The following CACNB2 variants were observed in gnomAD, a reference collection of about 807,000 sequenced individuals.
CACNB2 encodes the protein voltage-dependent L-type calcium channel subunit beta-2.
Under a neutral mutation model 73.3 loss-of-function variants are expected in CACNB2, and 42 were observed. The observed-to-expected ratio is 0.57, with a 90% confidence interval of 0.45 to 0.74. CACNB2 has a LOEUF of 0.74. Among genes scored for constraint, CACNB2 ranks in the 30% least tolerant of loss-of-function variants. The pLI is 0.00. For missense variants in CACNB2, 940 were observed against 853.0 expected, an observed-to-expected ratio of 1.10 and a Z score of -1.27; for synonymous variants, 348 against 310.3, an observed-to-expected ratio of 1.12 and a Z score of -1.28.
intron 2 of CACNB2, among the ~76,000 whole-genome samples, chr10:18,172,595 G>A (rs551064657): frequency 6.6e-6 from 1 of 152,254 alleles, no homozygotes; most frequent in East Asian, 1.9e-4. Context: ...GACTGGATGT[G>A]AAACCCTTGT....
At chr10:18,326,970 C>A (rs2040612239) in intron 2 of CACNB2, among the ~76,000 whole-genome samples, 1 of 152,096 alleles carries the variant, frequency 6.6e-6, no homozygotes, top group Non-Finnish European at 1.5e-5. Flanking sequence ...CTCAAGTGAT[C>A]CGCCCACCTC....
intron 3 of CACNB2, among the ~76,000 whole-genome samples, chr10:18,438,183 A>ATTTTTTTTT (rs372226267): frequency 5.3e-5 from 5 of 93,958 alleles, no homozygotes; most frequent in Non-Finnish European, 1.0e-4. Context: ...ACACCTGGCG[A>ATTTTTTTTT]TTTTTTTTTT....
At chr10:18,146,208 A>G (rs1195598715) in intron 1 of CACNB2, among the ~76,000 whole-genome samples, 2 of 151,952 alleles carry the variant, frequency 1.3e-5, no homozygotes, top group Non-Finnish European at 2.9e-5. Context: ...CTCTCTGGAT[A>G]GTTTTGGCTT....
intron 3 of CACNB2, among the ~76,000 whole-genome samples, chr10:18,431,108 G>T (rs1006359369): frequency 1.3e-5 from 2 of 152,046 alleles, no homozygotes; most frequent in African/African-American, 4.8e-5. Flanking sequence ...TCAGTCTCCA[G>T]GGTAGCTGAG....
At chr10:18,273,093 G>A (rs780110576) in intron 2 of CACNB2, among the ~76,000 whole-genome samples, 3 of 152,204 alleles carry the variant, frequency 2.0e-5, no homozygotes, top group Non-Finnish European at 4.4e-5. Flanking sequence ...AAAGCTGAAG[G>A]TTGGATCAGG....
chr10:18,397,519 A>T (rs1160670798), intron 2 of CACNB2, among the ~76,000 whole-genome samples: 1 of 151,984 alleles, frequency 6.6e-6, no homozygotes, highest in Non-Finnish European at 1.5e-5. Flanking sequence ...CGTTAGACAT[A>T]AAAGTGGAAA....
At chr10:18,340,772 T>TA (rs2041200135) in intron 2 of CACNB2, 1 of 1,560,968 alleles carries the variant, frequency 6.4e-7, no homozygotes, top group South Asian at 1.2e-5. Context: ...TCACACTAAC[T>TA]AAGACTACAC....
chr10:18,172,052 G>A (rs1044906301), intron 2 of CACNB2, among the ~76,000 whole-genome samples: 3 of 152,062 alleles, frequency 2.0e-5, no homozygotes, highest in Admixed American at 1.3e-4. Context: ...ACAAAACCAG[G>A]ATCTTGGCAT....
At chr10:18,431,393 C>A (rs959108602) in intron 3 of CACNB2, among the ~76,000 whole-genome samples, 1 of 152,088 alleles carries the variant, frequency 6.6e-6, no homozygotes, top group Non-Finnish European at 1.5e-5. Flanking sequence ...CTACTGATGC[C>A]TCAAGTAGGT....
At chr10:18,444,174 G>A (rs1182577273) in intron 3 of CACNB2, among the ~76,000 whole-genome samples, 1 of 152,148 alleles carries the variant, frequency 6.6e-6, no homozygotes, top group Non-Finnish European at 1.5e-5. Context: ...GGTGCCTTAG[G>A]GAGGTGATGA....
intron 1 of CACNB2, among the ~76,000 whole-genome samples, chr10:18,147,626 A>G (rs2031118351): frequency 6.6e-6 from 1 of 152,212 alleles, no homozygotes; most frequent in African/African-American, 2.4e-5. Context: ...GGGCGTTCAT[A>G]TATTTTAATG....
At chr10:18,228,441 A>AAAAAAAAG (rs753935991) in intron 2 of CACNB2, among the ~76,000 whole-genome samples, 5,496 of 145,072 alleles carry the variant, frequency 0.038, 243 homozygotes, top group African/African-American at 0.065. Flanking sequence ...CTCAAAAAAA[A>AAAAAAAAG]AAAAAAAAGA....
intron 3 of CACNB2, among the ~76,000 whole-genome samples, chr10:18,480,515 ATC>A: frequency 6.6e-6 from 1 of 152,350 alleles, no homozygotes; most frequent in African/African-American, 2.4e-5. Flanking sequence ...ACAGAGCAAA[ATC>A]TCTGTCTTGT....
At chr10:18,333,431 T>C (rs2040879674) in intron 2 of CACNB2, among the ~76,000 whole-genome samples, 1 of 146,058 alleles carries the variant, frequency 6.8e-6, no homozygotes, top group Non-Finnish European at 1.5e-5. Flanking sequence ...AGTTGGAAAT[T>C]TTGTTAATGT....
At chr10:18,438,262 C>A (rs2046247755) in intron 3 of CACNB2, among the ~76,000 whole-genome samples, 2 of 148,604 alleles carry the variant, frequency 1.3e-5, no homozygotes, top group African/African-American at 2.5e-5. Flanking sequence ...ATCTCCTGAC[C>A]TCGTGGTCCG....
chr10:18,427,012 G>A (rs6482411), intron 3 of CACNB2, among the ~76,000 whole-genome samples: 127,351 of 142,988 alleles, frequency 0.89, 57,055 homozygotes, highest in African/African-American at 0.97. Flanking sequence ...TGGGAGTGCA[G>A]TGGTGCGATC....
At chr10:18,464,211 T>C (rs2047739047) in intron 3 of CACNB2, among the ~76,000 whole-genome samples, 1 of 151,104 alleles carries the variant, frequency 6.6e-6, no homozygotes, top group Non-Finnish European at 1.5e-5. Flanking sequence ...CAGACTCCTA[T>C]CCCTCTGCAT....
At chr10:18,200,592 G>A (rs1054790239) in intron 2 of CACNB2, among the ~76,000 whole-genome samples, 7 of 152,150 alleles carry the variant, frequency 4.6e-5, no homozygotes, top group African/African-American at 1.7e-4. Context: ...TATGTTTTCT[G>A]TACAATTGCA....
chr10:18,150,880 T>TTTTTTTTTTTTTTTTGTG lies in CACNB2; in HGVS notation c.121-3_121-2insTTTTTTTTTTTTTTTGTG. 2 of 1,300,366 alleles carry TTTTTTTTTTTTTTTTGTG rather than the reference T, an allele frequency of 1.5e-6. No individual in the cohort carries two copies. Among genetic ancestry groups the TTTTTTTTTTTTTTTTGTG allele is most frequent in the Non-Finnish European group, 2.1e-6 (2 of 943,298 alleles). 80.6% of individuals were successfully genotyped at this position (1,300,366 alleles called of 1,614,324 possible). Reference sequence around the variant, plus strand: ...CTTTTTTTTTTTTTTTTTTTTTTTTTAGTCATATGGAAAAGGAGCCAGAAG... The same window carrying TTTTTTTTTTTTTTTTGTG: ...CTTTTTTTTTTTTTTTTTTTTTTTTTTTTTTTTTTTTTTTTGTGAGTCATATGGAAAAGGAGCCAGAAG... On this transcript the variant is annotated splice_polypyrimidine_tract_variant and splice_region_variant and intron_variant, in intron 1 of 13. Transcript: ENST00000324631.
Sources: allele counts gnomAD v4.1 joint callset (sites outside exome capture counted in the v4.1 genomes callset), GRCh38; gene constraint gnomAD v4.1.1; transcripts MANE v1.5; gene names NCBI Gene and HGNC (gene_info 2026-07-23, HGNC 2026-07-21).